TENM3: variants seen among roughly 807,000 people sequenced by gnomAD.
TENM3 encodes teneurin-3.
In TENM3, 63 loss-of-function variants were observed where a neutral mutation model predicts 255.1. The observed-to-expected ratio is 0.25, with a 90% CI of 0.20 to 0.30. The LOEUF (loss-of-function observed/expected upper bound fraction) is 0.30, where lower values mean the gene tolerates loss of function less well. Among genes scored for constraint, TENM3 ranks in the 10% least tolerant of loss-of-function variants. TENM3 has a pLI of 1.00. For missense variants in TENM3, 2,929 were observed against 3,461.1 expected (o/e 0.85, Z 3.86); for synonymous variants, 1,306 against 1,322.3 (o/e 0.99, Z 0.27).
chr4:182,387,852 G>A lies in TENM3; in HGVS notation c.511+40923G>A, dbSNP rs931013218. Among the ~76,000 whole-genome samples, 43 of 150,886 alleles carry A rather than the reference G, an allele frequency of 2.8e-4. 1 individual carries two copies. Among genetic ancestry groups the A allele is most frequent in the Admixed American group, 2.8e-3 (43 of 15,120 alleles). The stretch of plus-strand genomic sequence containing the variant: ...GCTGTAACACTCACTGTGAGGGTCC[G>A]CAGCTTCATTCTTGAAGTCAGTGAG... On this transcript the variant is annotated intron_variant, in intron 3 of 27. Coordinates refer to ENST00000511685, the MANE Select transcript of TENM3 (RefSeq NM_001080477.4).
the TENM3 span, among the ~76,000 whole-genome samples, chr4:181,498,436 G>C: frequency 6.6e-6 from 1 of 151,402 alleles, no homozygotes; most frequent in Non-Finnish European, 1.5e-5. Flanking sequence ...TCTCAAGAAG[G>C]CATTTACACA....
chr4:182,405,826 T>C (rs905104146), intron 3 of TENM3, among the ~76,000 whole-genome samples: 4 of 152,056 alleles, frequency 2.6e-5, no homozygotes, highest in Non-Finnish European at 5.9e-5. Context: ...TGGCATAAAC[T>C]CAGGGACAGA....
the TENM3 span, among the ~76,000 whole-genome samples, chr4:182,001,968 A>C: frequency 4.2e-3 from 644 of 152,268 alleles, 18 homozygotes; most frequent in Admixed American, 0.04. Context: ...TTATAATACT[A>C]TAACCATCAC....
intron 2 of TENM3, among the ~76,000 whole-genome samples, chr4:182,338,355 A>G (rs1455457787): frequency 6.6e-6 from 1 of 152,174 alleles, no homozygotes; most frequent in African/African-American, 2.4e-5. Context: ...CATATACAAC[A>G]TATCCAGGAC....
intron 3 of TENM3, among the ~76,000 whole-genome samples, chr4:182,575,114 C>T (rs146879233): frequency 2.0e-5 from 3 of 152,248 alleles, no homozygotes; most frequent in South Asian, 2.1e-4. Flanking sequence ...AAGAAATACA[C>T]ACACACACAC....
At chr4:182,122,145 T>C in the TENM3 span, among the ~76,000 whole-genome samples, 1 of 152,238 alleles carries the variant, frequency 6.6e-6, no homozygotes, top group African/African-American at 2.4e-5. Context: ...CAGCCTCCAC[T>C]TCTATTTCTC....
the TENM3 span, among the ~76,000 whole-genome samples, chr4:181,593,569 C>T: frequency 6.6e-6 from 1 of 152,170 alleles, no homozygotes; most frequent in Admixed American, 6.5e-5. Context: ...GTACATGGCA[C>T]TGGATAAAAG....
At chr4:182,608,240 AGATT>A (rs573301794) in intron 4 of TENM3, among the ~76,000 whole-genome samples, 25 of 152,072 alleles carry the variant, frequency 1.6e-4, no homozygotes, top group Admixed American at 1.0e-3. Context: ...GTTTTTTTAA[AGATT>A]GATTGATTGA....
At chr4:182,724,314 C>T (rs968735685) in intron 13 of TENM3, among the ~76,000 whole-genome samples, 1 of 152,172 alleles carries the variant, frequency 6.6e-6, no homozygotes, top group African/African-American at 2.4e-5. Flanking sequence ...TACATTTGGG[C>T]AAGTGGGTAA....
At chr4:181,887,960 A>G in the TENM3 span, among the ~76,000 whole-genome samples, 125 of 152,308 alleles carry the variant, frequency 8.2e-4, no homozygotes, top group Non-Finnish European at 1.4e-3. Flanking sequence ...TAAAAATCAG[A>G]CACAATAATC....
intron 4 of TENM3, among the ~76,000 whole-genome samples, chr4:182,616,350 T>C (rs1285426148): frequency 1.4e-5 from 2 of 144,482 alleles, no homozygotes; most frequent in Non-Finnish European, 3.0e-5. Context: ...GGAAGGGGAA[T>C]ATCACACTCT....
At chr4:181,984,832 GT>G in the TENM3 span, among the ~76,000 whole-genome samples, 1 of 122,248 alleles carries the variant, frequency 8.2e-6, no homozygotes, top group South Asian at 2.8e-4. Flanking sequence ...GTGTGTGTGT[GT>G]GCCTTTGAAA....
chr4:182,748,302 C>G (rs2152743764), intron 19 of TENM3, among the ~76,000 whole-genome samples: 1 of 152,310 alleles, frequency 6.6e-6, no homozygotes, highest in African/African-American at 2.4e-5. Flanking sequence ...CATGAGAATG[C>G]TGCTGTGCTT....
rs11369655 is a variant in TENM3, at chr4:182,720,766, C to CTTTTTTTTTT, written c.2368+6542_2368+6551dup. On this transcript the variant is annotated intron_variant, in intron 13 of 27. Transcript: ENST00000511685. ...CGGGTTGGTACTAAAAGTCTCCCCT[C>CTTTTTTTTTT]TTTTTTTTTTTTTTTTTTGAGACAG... is the stretch of plus-strand genomic sequence containing the variant. Among the ~76,000 whole-genome samples, 591 of 129,686 alleles carry CTTTTTTTTTT rather than the reference C, an allele frequency of 4.6e-3. 9 individuals are homozygous for CTTTTTTTTTT. The highest frequency in any genetic ancestry group is 7.2e-3 in the Non-Finnish European group (437 of 60,934). The allele number at this position is 129,686 out of a possible 152,430, so 85.1% of individuals were successfully genotyped here.
At chr4:182,553,015 G>C (rs929419456) in intron 3 of TENM3, among the ~76,000 whole-genome samples, 1 of 152,168 alleles carries the variant, frequency 6.6e-6, no homozygotes, top group Non-Finnish European at 1.5e-5. Flanking sequence ...TCAGTAAAAA[G>C]CAAATGGTCA....
At chr4:182,738,074 T>A (rs1231258599) in intron 17 of TENM3, among the ~76,000 whole-genome samples, 3 of 152,218 alleles carry the variant, frequency 2.0e-5, no homozygotes, top group Non-Finnish European at 4.4e-5. Context: ...TGTTATCTAA[T>A]CACTGTTTGA....
At chr4:181,913,065 TG>T in the TENM3 span, among the ~76,000 whole-genome samples, 1 of 152,016 alleles carries the variant, frequency 6.6e-6, no homozygotes, top group African/African-American at 2.4e-5. Context: ...CTTGAATACA[TG>T]GGTGAGGGTA....
chr4:182,598,082 G>A (rs1281659227), intron 3 of TENM3, among the ~76,000 whole-genome samples: 1 of 152,208 alleles, frequency 6.6e-6, no homozygotes, highest in African/African-American at 2.4e-5. Flanking sequence ...AGGAGGCTGA[G>A]GTGGGATTGA....
the TENM3 span, among the ~76,000 whole-genome samples, chr4:181,989,566 G>C: frequency 6.6e-6 from 1 of 152,134 alleles, no homozygotes; most frequent in Non-Finnish European, 1.5e-5. Context: ...CGTTTAATCA[G>C]TTTTCTTTCT....
Sources: allele counts gnomAD v4.1 joint callset (sites outside exome capture counted in the v4.1 genomes callset), GRCh38; gene constraint gnomAD v4.1.1; transcripts MANE v1.5; gene names NCBI Gene and HGNC (gene_info 2026-07-23, HGNC 2026-07-21).